ZNF407: variants seen among roughly 807,000 people sequenced by gnomAD.
ZNF407 encodes the protein zinc finger protein 407.
ZNF407 carries 17 observed loss-of-function variants against 131.2 expected under a neutral mutation model. That is an observed-to-expected ratio of 0.13 (90% CI 0.09 to 0.19). The LOEUF (loss-of-function observed/expected upper bound fraction) is 0.19, where lower values mean the gene tolerates loss of function less well. Ranked by LOEUF, ZNF407 falls within the 10% of genes least tolerant of loss-of-function variation. ZNF407 has a pLI of 1.00. For synonymous variants in ZNF407, 1,156 were observed against 1,062.0 expected, an observed-to-expected ratio of 1.09 and a Z score of -1.72; for missense variants, 2,681 against 2,830.6, an observed-to-expected ratio of 0.95 and a Z score of 1.20.
intron 3 of ZNF407, among the ~76,000 whole-genome samples, chr18:74,646,228 T>A (rs889872129): frequency 9.2e-5 from 14 of 152,196 alleles, no homozygotes; most frequent in Non-Finnish European, 2.1e-4. Context: ...AAAAGCACCA[T>A]GGAATTGCAT....
chr18:74,599,357 T>A (rs1383517048), intron 1 of ZNF407, among the ~76,000 whole-genome samples: 2 of 152,156 alleles, frequency 1.3e-5, no homozygotes, highest in Non-Finnish European at 2.9e-5. Flanking sequence ...TACAGAAAAG[T>A]TGCAAACAAT....
At chr18:75,041,456 CT>C (rs1683081942) in intron 8 of ZNF407, among the ~76,000 whole-genome samples, 1 of 152,244 alleles carries the variant, frequency 6.6e-6, no homozygotes, top group African/African-American at 2.4e-5. Flanking sequence ...CACTCTCTCT[CT>C]CACACACACA....
At chr18:75,052,393 C>A (rs1451029415) in intron 8 of ZNF407, among the ~76,000 whole-genome samples, 1 of 151,968 alleles carries the variant, frequency 6.6e-6, no homozygotes, top group Non-Finnish European at 1.5e-5. Flanking sequence ...GCAAAAAAAA[C>A]AACAACAAAG....
chr18:74,799,347 T>G (rs1969978090), intron 4 of ZNF407, among the ~76,000 whole-genome samples: 1 of 152,126 alleles, frequency 6.6e-6, no homozygotes, highest in Non-Finnish European at 1.5e-5. Flanking sequence ...TAGGAAAACC[T>G]TCCATTAATG....
rs111488720 is a variant in ZNF407, at chr18:74,773,122, G to A, written c.4803-8306G>A. Among the ~76,000 whole-genome samples the A allele has an allele frequency of 2.4e-3, 370 of 152,290 alleles. 1 individual carries two copies. Among genetic ancestry groups the A allele is most frequent in the African/African-American group, 8.5e-3 (353 of 41,570 alleles). On this transcript the variant is annotated intron_variant, in intron 3 of 8. Transcript: ENST00000299687. Reference sequence around the variant, plus strand: ...ATATTTTAGTGTCATCCACAAGGAGGTTATGCTTGAAGCCCAGGAAATAAA... The same window carrying A: ...ATATTTTAGTGTCATCCACAAGGAGATTATGCTTGAAGCCCAGGAAATAAA...
chr18:74,788,885 G>A (rs563225625), intron 4 of ZNF407, among the ~76,000 whole-genome samples: 259 of 150,948 alleles, frequency 1.7e-3, no homozygotes, highest in African/African-American at 6.1e-3. Flanking sequence ...AGGAAATACT[G>A]ATTATTATAT....
intron 8 of ZNF407, among the ~76,000 whole-genome samples, chr18:74,944,821 A>G (rs567506629): frequency 5.6e-4 from 86 of 152,354 alleles, no homozygotes; most frequent in Non-Finnish European, 9.4e-4. Context: ...AGTTCCAAAG[A>G]AGCAGTTTGA....
At chr18:74,941,800 C>T (rs964826157) in intron 8 of ZNF407, among the ~76,000 whole-genome samples, 7 of 152,114 alleles carry the variant, frequency 4.6e-5, no homozygotes, top group Non-Finnish European at 8.8e-5. Context: ...GAAAAACTTT[C>T]GCAACAACGG....
intron 3 of ZNF407, among the ~76,000 whole-genome samples, chr18:74,738,912 T>TTACATATA: frequency 6.6e-6 from 1 of 152,142 alleles, no homozygotes; most frequent in Non-Finnish European, 1.5e-5. Flanking sequence ...ATATATAAAC[T>TTACATATA]TTTCTGAAGT....
At chr18:74,794,553 G>A (rs920006642) in intron 4 of ZNF407, among the ~76,000 whole-genome samples, 2 of 151,832 alleles carry the variant, frequency 1.3e-5, no homozygotes, top group Non-Finnish European at 2.9e-5. Context: ...ACGCTACGTT[G>A]CTTATTGCAG....
intron 1 of ZNF407, among the ~76,000 whole-genome samples, chr18:74,617,854 C>CTTT (rs1983381610): frequency 0.026 from 3,927 of 152,272 alleles, 143 homozygotes; most frequent in African/African-American, 0.084. Flanking sequence ...AAATCTAAAA[C>CTTT]GCCCCCCCTA....
intron 3 of ZNF407, among the ~76,000 whole-genome samples, chr18:74,775,881 G>A (rs371139353): frequency 1.7e-4 from 25 of 149,136 alleles, no homozygotes; most frequent in Non-Finnish European, 3.3e-4. Flanking sequence ...GAGAGAGGGC[G>A]GATGTTTTAC....
At chr18:74,630,660 T>C (rs1212517001) in intron 1 of ZNF407, among the ~76,000 whole-genome samples, 2 of 151,932 alleles carry the variant, frequency 1.3e-5, no homozygotes, top group Non-Finnish European at 2.9e-5. Context: ...TTTAAAAGGG[T>C]AGTAAATTGA....
intron 8 of ZNF407, among the ~76,000 whole-genome samples, chr18:74,994,962 A>G (rs1181754643): frequency 6.6e-6 from 1 of 152,184 alleles, no homozygotes; most frequent in Admixed American, 6.5e-5. Context: ...ATGGTGTCCA[A>G]ATGTTAGAGA....
intron 8 of ZNF407, among the ~76,000 whole-genome samples, chr18:74,958,935 T>C (rs1599264091): frequency 6.6e-6 from 1 of 152,162 alleles, no homozygotes; most frequent in Admixed American, 6.5e-5. Context: ...GTGGATAGGA[T>C]TTGAATGGAG....
At chr18:74,801,866 C>G (rs1970025920) in intron 4 of ZNF407, among the ~76,000 whole-genome samples, 1 of 152,148 alleles carries the variant, frequency 6.6e-6, no homozygotes, top group African/African-American at 2.4e-5. Context: ...AATAAACATT[C>G]CAGAAATCGT....
intron 1 of ZNF407, among the ~76,000 whole-genome samples, chr18:74,621,318 A>AATAAGCATTT (rs1983500153): frequency 6.6e-6 from 1 of 152,232 alleles, no homozygotes; most frequent in Non-Finnish European, 1.5e-5. Context: ...TGCTTAAAGC[A>AATAAGCATTT]ATAAGCATTT....
chr18:74,793,399 G>A (rs781716544), intron 4 of ZNF407, among the ~76,000 whole-genome samples: 35 of 152,104 alleles, frequency 2.3e-4, no homozygotes, highest in Non-Finnish European at 4.1e-4. Context: ...GTCTTGAGGC[G>A]TGATCATGAT....
intron 1 of ZNF407, among the ~76,000 whole-genome samples, chr18:74,614,707 TTGATGATTAGC>T (rs1983209854): frequency 2.0e-5 from 3 of 152,366 alleles, no homozygotes; most frequent in Middle Eastern, 6.8e-3. Flanking sequence ...TTTCATATTT[TTGATGATTAGC>T]TAGATTTATA....
Sources: gnomAD v4.1 joint callset for allele counts (sites outside exome capture counted in the v4.1 genomes callset) on GRCh38, gnomAD v4.1.1 for gene constraint, MANE v1.5 for transcripts, NCBI Gene and HGNC (gene_info 2026-07-23, HGNC 2026-07-21) for gene names.